Variants in SLC2A13 observed in about 807,000 individuals in gnomAD.
SLC2A13 encodes solute carrier family 2 member 13.
Under a neutral mutation model 64.4 loss-of-function variants are expected in SLC2A13, and 32 were observed. The ratio of observed to expected loss-of-function variants is 0.50; its 90% CI spans 0.37 to 0.67. The LOEUF (loss-of-function observed/expected upper bound fraction) is 0.67. Ranked by LOEUF, SLC2A13 falls within the 30% of genes least tolerant of loss-of-function variation. SLC2A13 has a pLI of 0.00. For synonymous variants in SLC2A13, 338 were observed against 327.1 expected (o/e 1.03, Z -0.36); for missense variants, 743 against 829.2 (o/e 0.90, Z 1.28).
intron 6 of SLC2A13, among the ~76,000 whole-genome samples, chr12:39,837,820 T>C (rs1943059228): frequency 6.6e-6 from 1 of 152,000 alleles, no homozygotes; most frequent in Non-Finnish European, 1.5e-5. Flanking sequence ...AGAATGGCAA[T>C]CATTAAAAAG....
At chr12:39,964,341 A>G (rs1946468068) in intron 3 of SLC2A13, among the ~76,000 whole-genome samples, 1 of 152,210 alleles carries the variant, frequency 6.6e-6, no homozygotes, top group African/African-American at 2.4e-5. Context: ...GTTCTATAAA[A>G]AAGGGTAGTG....
intron 1 of SLC2A13, among the ~76,000 whole-genome samples, chr12:40,084,095 G>A (rs566664765): frequency 3.9e-5 from 6 of 152,280 alleles, no homozygotes; most frequent in African/African-American, 1.4e-4. Context: ...TGAACCAAAA[G>A]CTCTTTAACT....
At chr12:39,770,409 A>T (rs1008262928) in intron 7 of SLC2A13, among the ~76,000 whole-genome samples, 5 of 152,126 alleles carry the variant, frequency 3.3e-5, no homozygotes, top group African/African-American at 1.2e-4. Flanking sequence ...TCAAATCGTG[A>T]CTCTACCACT....
chr12:40,091,080 A>G (rs540706401), intron 1 of SLC2A13, among the ~76,000 whole-genome samples: 106 of 152,326 alleles, frequency 7.0e-4, no homozygotes, highest in African/African-American at 2.4e-3. Flanking sequence ...AAACCTGTAC[A>G]GCATGTTATT....
In SLC2A13 at chr12:39,983,328, G is replaced by T. The variant is rs1277565486; in HGVS notation, c.926-31963C>A. On this transcript the variant is annotated intron_variant, in intron 3 of 9. Transcript: ENST00000280871. ...GCAACAAAAGCCAAAATTGACAAAT[G>T]GGATCTAATTAAACTAAAGAGCTTC... is the stretch of plus-strand genomic sequence containing the variant. Among the ~76,000 whole-genome samples, 3 of 118,958 alleles carry T rather than the reference G, an allele frequency of 2.5e-5. No homozygotes were observed. The Admixed American group carries it at 2.8e-4, about 11-fold the overall frequency. 78.0% of individuals were successfully genotyped at this position (118,958 alleles called of 152,430 possible).
chr12:39,962,047 G>C (rs1946423251), intron 3 of SLC2A13, among the ~76,000 whole-genome samples: 2 of 152,126 alleles, frequency 1.3e-5, no homozygotes, highest in African/African-American at 4.8e-5. Context: ...TCCCTCTATG[G>C]AGATGAGCGT....
chr12:39,829,721 T>C (rs773465187), intron 7 of SLC2A13: 2 of 247,634 alleles, frequency 8.1e-6, no homozygotes, highest in Non-Finnish European at 1.6e-5. Flanking sequence ...CCTAACGTGA[T>C]AGTAATTCAT....
intron 7 of SLC2A13, among the ~76,000 whole-genome samples, chr12:39,783,314 A>G (rs937662200): frequency 4.6e-5 from 7 of 152,216 alleles, no homozygotes; most frequent in Non-Finnish European, 8.8e-5. Flanking sequence ...TATTGTGAAT[A>G]GTGCCGCAAT....
chr12:39,818,896 G>A lies in SLC2A13; in HGVS notation c.1445+11207C>T, dbSNP rs1051594927. On this transcript the variant is annotated intron_variant, in intron 7 of 9. Transcript: ENST00000280871. ...GATCTGGCCCTTTCCTTCCCTGATTGTCCCAAGCAGAATTCCGATTGCCTG... is the reference window on the plus strand; with the variant it reads ...GATCTGGCCCTTTCCTTCCCTGATTATCCCAAGCAGAATTCCGATTGCCTG... Among the ~76,000 whole-genome samples the A allele has an allele frequency of 5.9e-5, 9 of 152,002 alleles. 1 individual carries two copies. Among genetic ancestry groups the A allele is most frequent in the Admixed American group, 1.3e-4 (2 of 15,254 alleles).
In SLC2A13 at chr12:39,890,369, G is replaced by A. The variant is rs907725486; in HGVS notation, c.1035-18408C>T. On this transcript the variant is annotated intron_variant, in intron 4 of 9. Coordinates refer to ENST00000280871, the MANE Select transcript of SLC2A13 (RefSeq NM_052885.4). ...CAGAATATCTATCCTCAAAGCTATC[G>A]GTGTCCTACTTCCCTAAATATGTGA... is the stretch of plus-strand genomic sequence containing the variant. Among the ~76,000 whole-genome samples the A allele has an allele frequency of 4.6e-5, 7 of 152,088 alleles. No individual in the cohort carries two copies. In the South Asian group the frequency reaches 8.3e-4, roughly 18 times the overall value.
intron 4 of SLC2A13, among the ~76,000 whole-genome samples, chr12:39,919,180 C>G (rs968242383): frequency 1.3e-5 from 2 of 151,978 alleles, no homozygotes; most frequent in Non-Finnish European, 2.9e-5. Flanking sequence ...TCCTGGGCCT[C>G]GGTCTCCCAA....
At chr12:40,076,892 T>G (rs1437053445) in intron 1 of SLC2A13, among the ~76,000 whole-genome samples, 1 of 152,198 alleles carries the variant, frequency 6.6e-6, no homozygotes, top group Admixed American at 6.5e-5. Flanking sequence ...ATGGTTTTGA[T>G]CTGCATTTCT....
chr12:39,837,098 G>T (rs1164180679), intron 6 of SLC2A13, among the ~76,000 whole-genome samples: 6 of 90,094 alleles, frequency 6.7e-5, no homozygotes, highest in Non-Finnish European at 1.2e-4. Flanking sequence ...TATACTACAA[G>T]GCTACAGTAA....
rs1336351619 is a variant in SLC2A13 at position 40,105,461 on chromosome 12, G to A, written c.348C>T (p.Asp116=). 4 of 1,561,692 alleles carry A rather than the reference G, an allele frequency of 2.6e-6. No individual in the cohort carries two copies. The highest frequency in any genetic ancestry group is 3.5e-6 in the Non-Finnish European group (4 of 1,153,696). ...MLLLKRQLSL[D]ALWQELLVSS... is the part of the protein sequence containing the mutation. ...ACACCAGCAGCTCCTGCCACAGCGC[G>A]TCCAGACTGAGCTGCCGCTTGAGCA... The change falls in exon 1 of 10, where the codon GAC becomes GAT. Residue 116 remains aspartate (D), a synonymous_variant. Coordinates refer to ENST00000280871, the MANE Select transcript of SLC2A13 (RefSeq NM_052885.4). The surrounding 1 kb of genome is among the most constrained non-coding windows in gnomAD (Gnocchi z 4.2).
At chr12:39,808,984 C>T (rs1269432850) in intron 7 of SLC2A13, among the ~76,000 whole-genome samples, 4 of 151,994 alleles carry the variant, frequency 2.6e-5, no homozygotes, top group African/African-American at 7.2e-5. Context: ...TACTTGCTTA[C>T]CCTGATGTCG....
intron 1 of SLC2A13, among the ~76,000 whole-genome samples, chr12:40,066,011 C>T (rs565924708): frequency 1.3e-5 from 2 of 152,322 alleles, no homozygotes; most frequent in South Asian, 4.1e-4. Context: ...AGTATTTATA[C>T]TTGGCACACT....
chr12:39,832,069 C>A (rs754852292), intron 6 of SLC2A13, among the ~76,000 whole-genome samples: 1 of 152,110 alleles, frequency 6.6e-6, no homozygotes, highest in Non-Finnish European at 1.5e-5. Flanking sequence ...AATGACACTT[C>A]AGCCCTAGAC....
At chr12:39,913,806 T>A (rs1238996930) in intron 4 of SLC2A13, among the ~76,000 whole-genome samples, 1 of 151,910 alleles carries the variant, frequency 6.6e-6, no homozygotes, top group East Asian at 1.9e-4. Context: ...TAGAAACGTA[T>A]CAAGTAGAAA....
chr12:39,877,240 T>C (rs1944209522), intron 4 of SLC2A13, among the ~76,000 whole-genome samples: 1 of 152,144 alleles, frequency 6.6e-6, no homozygotes, highest in Non-Finnish European at 1.5e-5. Context: ...GAGTTCCACA[T>C]GGCTAGGGAG....
Sources: gnomAD v4.1 joint callset for allele counts (sites outside exome capture counted in the v4.1 genomes callset) on GRCh38, gnomAD v4.1.1 for gene constraint, Gnocchi (gnomAD v3.1) non-coding constraint, MANE v1.5 for transcripts, NCBI Gene and HGNC (gene_info 2026-07-23, HGNC 2026-07-21) for gene names.